The following NRXN1 variants were observed in gnomAD, a reference collection of about 807,000 sequenced individuals.
NRXN1 encodes the protein neurexin 1.
In NRXN1, 39 loss-of-function variants were observed where a neutral mutation model predicts 150.9. The observed-to-expected ratio is 0.26, with a 90% CI of 0.20 to 0.34. The LOEUF is 0.34. Ranked by LOEUF, NRXN1 falls within the 10% of genes least tolerant of loss-of-function variation. NRXN1 has a pLI of 1.00. For synonymous variants in NRXN1, 924 were observed against 757.0 expected (o/e 1.22, Z -3.62); for missense variants, 1,815 against 1,949.9 (o/e 0.93, Z 1.30).
chr2:50,743,142 A>T (rs867071414), intron 5 of NRXN1, among the ~76,000 whole-genome samples: 39 of 152,310 alleles, frequency 2.6e-4, no homozygotes, highest in African/African-American at 8.7e-4. Flanking sequence ...TTCTATGACA[A>T]AAATTTGATT....
chr2:50,050,056 G>A (rs1418763967), intron 21 of NRXN1, among the ~76,000 whole-genome samples: 1 of 151,470 alleles, frequency 6.6e-6, no homozygotes. Context: ...GGAACAATTC[G>A]ATCAGAAGTT....
intron 18 of NRXN1, among the ~76,000 whole-genome samples, chr2:50,202,468 T>G (rs2062244763): frequency 6.6e-6 from 1 of 151,976 alleles, no homozygotes; most frequent in African/African-American, 2.4e-5. Context: ...ATCATGCTAC[T>G]ACATTCCAGC....
At position 49,965,262 on chromosome 2, in the gene NRXN1, C is replaced by T. The variant is rs566731785; in HGVS notation, c.4129-21471G>A. Reference sequence around the variant, plus strand: ...TCTAATTATTATAGACACCAGCAGGCTATAAATATGTATATATATTTTGAG... The same window carrying T: ...TCTAATTATTATAGACACCAGCAGGTTATAAATATGTATATATATTTTGAG... On this transcript the variant is annotated intron_variant, in intron 21 of 22. Transcript: ENST00000401669. Among the ~76,000 whole-genome samples, 3 of 152,110 alleles carry T rather than the reference C, an allele frequency of 2.0e-5. No homozygotes were observed. The South Asian group carries it at 6.2e-4, about 32-fold the overall frequency.
At chr2:51,023,161 A>C (rs1669893947) in intron 2 of NRXN1, among the ~76,000 whole-genome samples, 1 of 152,170 alleles carries the variant, frequency 6.6e-6, no homozygotes, top group South Asian at 2.1e-4. Context: ...ACAAACAGAA[A>C]ATGTTTCCTC....
Position 50,765,744 on chromosome 2 carries a change from C to T in NRXN1, c.833-142129G>A, listed in dbSNP as rs114290796. Among the ~76,000 whole-genome samples the T allele has an allele frequency of 3.1e-3, 470 of 151,982 alleles. 2 individuals carry two copies. Among genetic ancestry groups the T allele is most frequent in the African/African-American group, 9.7e-3 (401 of 41,470 alleles). On this transcript the variant is annotated intron_variant, in intron 5 of 22. Transcript: ENST00000401669. ...GTATGAAAATCTGAATATCAAAGCA[C>T]GGTAAGGAGGGAAGCAGGTGAAAAA...
At chr2:50,728,303 G>A (rs1307623950) in intron 5 of NRXN1, among the ~76,000 whole-genome samples, 3 of 152,112 alleles carry the variant, frequency 2.0e-5, no homozygotes, top group Non-Finnish European at 4.4e-5. Flanking sequence ...ATCCTAATAA[G>A]TTAACTTATA....
At chr2:50,348,427 G>C (rs2078200022) in intron 17 of NRXN1, among the ~76,000 whole-genome samples, 1 of 152,138 alleles carries the variant, frequency 6.6e-6, no homozygotes, top group African/African-American at 2.4e-5. Flanking sequence ...GAATAAAATT[G>C]CTTGTATTTC....
chr2:50,020,600 C>T (rs1306292805), intron 21 of NRXN1, among the ~76,000 whole-genome samples: 1 of 152,132 alleles, frequency 6.6e-6, no homozygotes, highest in Non-Finnish European at 1.5e-5. Context: ...TTGATAATTC[C>T]ATATACATCT....
At chr2:50,416,824 C>G (rs1164948190) in intron 17 of NRXN1, among the ~76,000 whole-genome samples, 1 of 152,128 alleles carries the variant, frequency 6.6e-6, no homozygotes, top group Non-Finnish European at 1.5e-5. Flanking sequence ...TACCTCCCAC[C>G]AGGTCCCTTC....
intron 2 of NRXN1, among the ~76,000 whole-genome samples, chr2:50,959,070 G>A (rs1038563495): frequency 1.3e-5 from 2 of 151,956 alleles, no homozygotes; most frequent in African/African-American, 2.4e-5. Context: ...GTCTAACTTT[G>A]ATGTCAGTAT....
chr2:50,869,316 T>TTAACAAGCAATA lies in NRXN1; in HGVS notation c.832+52541_832+52552dup, dbSNP rs1479437829. Among the ~76,000 whole-genome samples, 20 of 151,708 alleles carry TTAACAAGCAATA rather than the reference T, an allele frequency of 1.3e-4. No homozygotes were observed. The Admixed American group carries it at 1.3e-3, about 10-fold the overall frequency. On this transcript the variant is annotated intron_variant, in intron 5 of 22. Transcript: ENST00000401669. Reference sequence around the variant, plus strand: ...ATTTATGTAATAAAATAATGAGAAATTAACAAGCAATACCTTCACGATGAC... The same window carrying TTAACAAGCAATA: ...ATTTATGTAATAAAATAATGAGAAATTAACAAGCAATATAACAAGCAATACCTTCACGATGAC...
At chr2:50,467,080 A>T (rs1271078413) in intron 16 of NRXN1, among the ~76,000 whole-genome samples, 5 of 151,748 alleles carry the variant, frequency 3.3e-5, no homozygotes, top group Non-Finnish European at 7.4e-5. Context: ...GAAGAAATAA[A>T]CTGCAATATA....
At chr2:50,060,297 A>G (rs1694319338) in intron 19 of NRXN1, among the ~76,000 whole-genome samples, 1 of 152,132 alleles carries the variant, frequency 6.6e-6, no homozygotes, top group South Asian at 2.1e-4. Flanking sequence ...TCAGATTTGC[A>G]TGGGGCCTGT....
At chr2:50,925,675 A>G (rs766164152) in intron 3 of NRXN1, among the ~76,000 whole-genome samples, 2 of 151,960 alleles carry the variant, frequency 1.3e-5, no homozygotes, top group African/African-American at 2.4e-5. Context: ...TTTCTCATAC[A>G]GAACACTGTA....
chr2:50,723,740 A>G (rs1696965969), intron 5 of NRXN1, among the ~76,000 whole-genome samples: 2 of 152,230 alleles, frequency 1.3e-5, no homozygotes, highest in Admixed American at 1.3e-4. Flanking sequence ...GGCTGCAGAC[A>G]CAACGTGGTC....
At chr2:49,938,536 TA>T (rs1343506973) in intron 22 of NRXN1, among the ~76,000 whole-genome samples, 2 of 152,134 alleles carry the variant, frequency 1.3e-5, no homozygotes, top group African/African-American at 4.8e-5. Flanking sequence ...CCCCAATGAC[TA>T]ATGAGATATT....
intron 21 of NRXN1, among the ~76,000 whole-genome samples, chr2:50,048,325 T>A (rs951596244): frequency 7.9e-5 from 12 of 152,242 alleles, no homozygotes; most frequent in South Asian, 4.1e-4. Flanking sequence ...CTAGGGAAAA[T>A]AAATTAATTA....
intron 12 of NRXN1, among the ~76,000 whole-genome samples, chr2:50,525,364 G>C (rs981401203): frequency 6.6e-6 from 1 of 152,164 alleles, no homozygotes; most frequent in Non-Finnish European, 1.5e-5. Flanking sequence ...GAATGTGACT[G>C]TACAGTCCCT....
At chr2:50,829,550 A>C (rs1671090683) in intron 5 of NRXN1, 1 of 1,611,430 alleles carries the variant, frequency 6.2e-7, no homozygotes, top group Non-Finnish European at 8.5e-7. Flanking sequence ...GGATCTTAGG[A>C]GGGGTTTTCT....
Sources: allele counts gnomAD v4.1 joint callset (sites outside exome capture counted in the v4.1 genomes callset), GRCh38; gene constraint gnomAD v4.1.1; transcripts MANE v1.5; gene names NCBI Gene and HGNC (gene_info 2026-07-23, HGNC 2026-07-21).